Variants in CENPQ observed in about 807,000 individuals in gnomAD.
CENPQ encodes chromosome 6 open reading frame 139.
CENPQ carries 27 observed loss-of-function variants against 36.6 expected under a neutral mutation model. The ratio of observed to expected loss-of-function variants is 0.74; its 90% CI spans 0.54 to 1.02. The LOEUF (loss-of-function observed/expected upper bound fraction) is 1.02. Among genes scored for constraint, CENPQ ranks in the 50% least tolerant of loss-of-function variants. The pLI, the probability that CENPQ is intolerant of heterozygous loss-of-function variation, is 0.00. For missense variants in CENPQ, 306 were observed against 301.8 expected, an observed-to-expected ratio of 1.01 and a Z score of -0.10; for synonymous variants, 101 against 101.7, an observed-to-expected ratio of 0.99 and a Z score of 0.04.
At position 49,481,108 on chromosome 6, in the gene CENPQ, ATTAGAGAG is replaced by A. The variant is rs767524912; in HGVS notation, c.477+33_477+40del. 44 of 1,558,144 alleles carry A rather than the reference ATTAGAGAG, an allele frequency of 2.8e-5. No individual in the cohort carries two copies. The African/African-American group carries it at 3.7e-4, about 13-fold the overall frequency. On this transcript the variant is annotated intron_variant, in intron 6 of 8. Transcript: ENST00000335783. ...ATGAAATTTGAATAGGGAATCCATAATTAGAGAGTTAGGGAAAGGGAAGAAGACCAAAG... is the reference window on the plus strand; with the variant it reads ...ATGAAATTTGAATAGGGAATCCATAATTAGGGAAAGGGAAGAAGACCAAAG...
intron 8 of CENPQ, among the ~76,000 whole-genome samples, chr6:49,490,753 T>C (rs1768701676): frequency 6.6e-6 from 1 of 152,098 alleles, no homozygotes; most frequent in African/African-American, 2.4e-5. Flanking sequence ...AATTTCAATA[T>C]CGTTGTGTCA....
chr6:49,478,309 A>G (rs912204509), intron 5 of CENPQ, among the ~76,000 whole-genome samples: 3 of 152,216 alleles, frequency 2.0e-5, no homozygotes, highest in Non-Finnish European at 4.4e-5. Flanking sequence ...CTTAGCATGT[A>G]AGAAGCCCTG....
chr6:49,476,921 C>A (rs1768307048), intron 5 of CENPQ, among the ~76,000 whole-genome samples: 1 of 152,180 alleles, frequency 6.6e-6, no homozygotes, highest in Non-Finnish European at 1.5e-5. Flanking sequence ...CAGGAAACAA[C>A]AGGTGCTGGA....
chr6:49,486,052 A>G lies in CENPQ; in HGVS notation c.478-2300A>G, dbSNP rs368830415. Among the ~76,000 whole-genome samples the G allele has an allele frequency of 3.8e-3, 578 of 152,296 alleles. 7 individuals are homozygous for G. Among genetic ancestry groups the G allele is most frequent in the African/African-American group, 0.013 (545 of 41,564 alleles). ...TCGTCACGGGTACGTCCTAAATCCAATGACAAGTGTTCTTATAAAAGACAA... is the reference window on the plus strand; with the variant it reads ...TCGTCACGGGTACGTCCTAAATCCAGTGACAAGTGTTCTTATAAAAGACAA... On this transcript the variant is annotated intron_variant, in intron 6 of 8. Transcript: ENST00000335783.
intron 2 of CENPQ, 101 bp downstream of exon 2, chr6:49,470,379 GGATCAC>G: frequency 3.3e-6 from 2 of 607,038 alleles, no homozygotes; most frequent in Non-Finnish European, 5.6e-6. Flanking sequence ...CGAGGTGGGT[GGATCAC>G]GAGGTCAGGA....
chr6:49,493,055 GGT>G lies in CENPQ; in HGVS notation c.*781_*782del, dbSNP rs1768764667. Reference sequence around the variant, plus strand: ...TAACAAACTACAGTATACTGTCTTGGGTTTTTTTTTTTTTTTTTAGTCTGTAA... The same window carrying G: ...TAACAAACTACAGTATACTGTCTTGGTTTTTTTTTTTTTTTTAGTCTGTAA... On this transcript the variant is annotated 3_prime_UTR_variant, in exon 9 of 9. Transcript: ENST00000335783. The G allele has an allele frequency of 1.1e-5, 1 of 92,332 alleles. No individual in the cohort carries two copies. Among genetic ancestry groups the G allele is most frequent in the African/African-American group, 3.4e-5 (1 of 29,752 alleles). The allele number at this position is 92,332 out of a possible 1,614,324, so 5.7% of individuals were successfully genotyped here.
rs576936215 is a variant in CENPQ, at chr6:49,492,486, A to C, written c.*211A>C. The C allele has an allele frequency of 1.2e-4, 54 of 434,288 alleles. 1 individual carries two copies. The South Asian group carries it at 2.1e-3, about 17-fold the overall frequency. 26.9% of individuals were successfully genotyped at this position (434,288 alleles called of 1,614,324 possible). On this transcript the variant is annotated 3_prime_UTR_variant, in exon 9 of 9. Transcript: ENST00000335783. ...TAGCAGTTGCCAAATCTAGGAAACT[A>C]ACATTTATATTGCTGTATCTATAAG...
chr6:49,480,916 A>C (rs1195329319), intron 5 of CENPQ, 35 bp from the exon 6 acceptor site: 1 of 1,482,576 alleles, frequency 6.7e-7, no homozygotes, highest in East Asian at 2.3e-5. Flanking sequence ...GTACTCAAAA[A>C]TAAACAAAAT....
intron 5 of CENPQ, among the ~76,000 whole-genome samples, chr6:49,480,749 A>C (rs1768407124): frequency 6.6e-6 from 1 of 152,162 alleles, no homozygotes; most frequent in Non-Finnish European, 1.5e-5. Context: ...CCTTAATTTG[A>C]GGTAAATCTT....
intron 5 of CENPQ, among the ~76,000 whole-genome samples, chr6:49,474,738 G>C (rs1768237346): frequency 1.3e-5 from 2 of 152,210 alleles, no homozygotes; most frequent in African/African-American, 4.8e-5. Flanking sequence ...TTTTTGAAAA[G>C]ATCAACAAAA....
chr6:49,469,471 A>G (rs1225033993), intron 1 of CENPQ, among the ~76,000 whole-genome samples: 3 of 152,192 alleles, frequency 2.0e-5, no homozygotes, highest in African/African-American at 7.2e-5. Context: ...ATCAGAAATT[A>G]GTTTGGTAAT....
At position 49,476,127 on chromosome 6, in the gene CENPQ, G is replaced by C. The variant is rs576367893; in HGVS notation, c.347+3269G>C. 3.6e-3 allele frequency among the ~76,000 whole-genome samples: 539 copies of C among 150,732 alleles called. 1 individual carries two copies. The highest frequency in any genetic ancestry group is 0.013 in the African/African-American group (518 of 41,184). On this transcript the variant is annotated intron_variant, in intron 5 of 8. Transcript: ENST00000335783. ...GCCCGCATTGCCAAGACAATCCTAA[G>C]CAAAAAGAACAAAGCTGGAGGCATC... is the stretch of plus-strand genomic sequence containing the variant.
At chr6:49,470,709 G>C (rs1017159165) in intron 2 of CENPQ, among the ~76,000 whole-genome samples, 1 of 151,460 alleles carries the variant, frequency 6.6e-6, no homozygotes, top group Non-Finnish European at 1.5e-5. Context: ...TATTTCTTAG[G>C]CAAAGTGAGT....
At chr6:49,481,680 G>A (rs369923494) in intron 6 of CENPQ, among the ~76,000 whole-genome samples, 9 of 152,104 alleles carry the variant, frequency 5.9e-5, no homozygotes, top group Admixed American at 4.6e-4. Context: ...TTGACAGGGC[G>A]CTGATTGGTG....
intron 5 of CENPQ, among the ~76,000 whole-genome samples, chr6:49,477,305 C>T (rs1240471586): frequency 4.0e-5 from 6 of 151,236 alleles, no homozygotes; most frequent in African/African-American, 9.7e-5. Context: ...TCATTCTCAG[C>T]AAACTATCAC....
In CENPQ at chr6:49,491,537, T is replaced by C. The variant is rs141464525; in HGVS notation, c.676-607T>C. On this transcript the variant is annotated intron_variant, in intron 8 of 8. Coordinates refer to ENST00000335783, the MANE Select transcript of CENPQ (RefSeq NM_018132.4). ...GTACTGTCTTATTTGTAGTAAACTATTTCTTCCAAGGGCTCTAGTAGACAT... is the reference window on the plus strand; with the variant it reads ...GTACTGTCTTATTTGTAGTAAACTACTTCTTCCAAGGGCTCTAGTAGACAT... Among the ~76,000 whole-genome samples, 39 of 152,332 alleles carry C rather than the reference T, an allele frequency of 2.6e-4. No individual in the cohort carries two copies. In the East Asian group the frequency reaches 7.5e-3, roughly 29 times the overall value.
chr6:49,492,214 C>G lies in CENPQ; in HGVS notation c.746C>G (p.Ser249Ter), dbSNP rs144734447. Residue 249 changes from serine (S) to a stop codon, truncating the protein, a stop_gained, in exon 9 of 9, where the codon TCA becomes TGA. Coordinates refer to ENST00000335783, the MANE Select transcript of CENPQ (RefSeq NM_018132.4). LOFTEE classifies it high-confidence loss of function. ...LKDLDILHNS[S>*]QMKSMSTFIE... is the part of the protein sequence containing the mutation. ...GACTTGGATATTCTTCATAATTCAT[C>G]ACAGATGAAGAGCATGTCAACCTTC... 1,228 of 1,608,146 alleles carry G rather than the reference C, an allele frequency of 7.6e-4. 2 individuals are homozygous for G. The highest frequency in any genetic ancestry group is 1.7e-3 in the Middle Eastern group (10 of 5,972).
At chr6:49,470,315 C>A in intron 2 of CENPQ, 37 bp downstream of exon 2, 1 of 1,334,438 alleles carries the variant, frequency 7.5e-7, no homozygotes, top group Non-Finnish European at 1.1e-6. Flanking sequence ...TAGAAATCTT[C>A]AACTGTGGCC....
chr6:49,472,811 T>C lies in CENPQ; in HGVS notation c.300T>C (p.Ile100=). The C allele has an allele frequency of 6.8e-7, 1 of 1,460,564 alleles. No individual in the cohort carries two copies. The highest frequency in any genetic ancestry group is 1.3e-5 in the South Asian group (1 of 78,910). 90.5% of individuals were successfully genotyped at this position (1,460,564 alleles called of 1,614,324 possible). ...SVIMTILSNS[I]KEKEEIQYHL... Reference sequence around the variant, plus strand: ...CTAGGACAATTTTGAGTAACAGTATTAAAGAAAAAGAAGAAATACAATACC... The same window carrying C: ...CTAGGACAATTTTGAGTAACAGTATCAAAGAAAAAGAAGAAATACAATACC... Residue 100 remains isoleucine (I), a synonymous_variant, in exon 5 of 9, where the codon ATT becomes ATC. Coordinates refer to ENST00000335783, the MANE Select transcript of CENPQ (RefSeq NM_018132.4).
Sources: gnomAD v4.1 joint callset for allele counts (sites outside exome capture counted in the v4.1 genomes callset) on GRCh38, gnomAD v4.1.1 for gene constraint, MANE v1.5 for transcripts, NCBI Gene and HGNC (gene_info 2026-07-23, HGNC 2026-07-21) for gene names.